Variants in CAMSAP1 observed in about 807,000 individuals in gnomAD.
CAMSAP1 encodes calmodulin regulated spectrin associated protein 1, also known as calmodulin-regulated spectrin-associated protein 1.
A neutral mutation model predicts 143.5 loss-of-function variants in CAMSAP1; 58 were observed. That is an observed-to-expected ratio of 0.40 (90% CI 0.33 to 0.50). The LOEUF is 0.50. Among genes scored for constraint, CAMSAP1 ranks in the 20% least tolerant of loss-of-function variants. The pLI is 0.45. For synonymous variants in CAMSAP1, 945 were observed against 859.3 expected, an observed-to-expected ratio of 1.10 and a Z score of -1.74; for missense variants, 1,969 against 2,115.7, an observed-to-expected ratio of 0.93 and a Z score of 1.36.
At chr9:135,884,876 TG>T (rs1838075326) in intron 1 of CAMSAP1, among the ~76,000 whole-genome samples, 1 of 152,178 alleles carries the variant, frequency 6.6e-6, no homozygotes, top group African/African-American at 2.4e-5. Context: ...AGGCGGCCTG[TG>T]GGCCCATGTT....
At chr9:135,891,256 C>T (rs978205057) in intron 1 of CAMSAP1, among the ~76,000 whole-genome samples, 4 of 152,212 alleles carry the variant, frequency 2.6e-5, no homozygotes, top group African/African-American at 9.7e-5. Context: ...GCATGAGCAG[C>T]AGAAACAGGG....
At position 135,907,375 on chromosome 9, in the gene CAMSAP1, G is replaced by C. The variant is rs1398890859; in HGVS notation, c.-216C>G. 1.8e-5 allele frequency: 3 copies of C among 164,292 alleles called. No individual in the cohort carries two copies. The highest frequency in any genetic ancestry group is 7.3e-5 in the African/African-American group (3 of 41,148). The allele number at this position is 164,292 out of a possible 1,614,324, so 10.2% of individuals were successfully genotyped here. On this transcript the variant is annotated 5_prime_UTR_variant, in exon 1 of 17. Coordinates refer to ENST00000389532, the MANE Select transcript of CAMSAP1 (RefSeq NM_015447.4). ...CGGGCGCTGAGCCCGAGCGGAGGAG[G>C]TGCCGAGCCCGCGGCCCAAAGAGGC...
rs1206612529 is a variant in CAMSAP1, at chr9:135,819,073, T to C, written c.3896A>G (p.Glu1299Gly). ...CTGCTGCTTGCGCACGCGGGCCTCCTCGGCCTTGCGCTGCTGCTTCAGGAG... is the reference window on the plus strand; with the variant it reads ...CTGCTGCTTGCGCACGCGGGCCTCCCCGGCCTTGCGCTGCTGCTTCAGGAG... Reference protein sequence around the residue: ...AFLLKQQRKAEEARVRKQQLE... With the variant: ...AFLLKQQRKAGEARVRKQQLE... The change falls in exon 12 of 17, where the codon GAG becomes GGG. Residue 1299 changes from glutamate to glycine, a missense_variant. Glu to Gly is a moderately conservative substitution (Grantham distance 98, BLOSUM62 -2). Coordinates refer to ENST00000389532, the MANE Select transcript of CAMSAP1 (RefSeq NM_015447.4). 2 of 1,604,660 alleles carry C rather than the reference T, an allele frequency of 1.2e-6. No individual in the cohort carries two copies. The highest frequency in any genetic ancestry group is 1.3e-5 in the African/African-American group (1 of 74,834).
chr9:135,902,664 TG>T (rs1238376002), intron 1 of CAMSAP1, among the ~76,000 whole-genome samples: 1 of 152,240 alleles, frequency 6.6e-6, no homozygotes, highest in East Asian at 1.9e-4. Flanking sequence ...GTCCCTGAGA[TG>T]GGGACTAAAA....
intron 5 of CAMSAP1, among the ~76,000 whole-genome samples, chr9:135,856,810 A>G (rs1322204981): frequency 4.6e-5 from 7 of 152,154 alleles, no homozygotes; most frequent in African/African-American, 9.7e-5. Context: ...TTCACCTGTT[A>G]TTGCCTCTGA....
At chr9:135,890,218 C>T (rs1299641960) in intron 1 of CAMSAP1, among the ~76,000 whole-genome samples, 1 of 152,130 alleles carries the variant, frequency 6.6e-6, no homozygotes, top group Non-Finnish European at 1.5e-5. Context: ...GAATGCTCCA[C>T]ACACATACAG....
chr9:135,899,707 T>A (rs944056235), intron 1 of CAMSAP1, among the ~76,000 whole-genome samples: 3 of 152,130 alleles, frequency 2.0e-5, no homozygotes, highest in Admixed American at 6.5e-5. Context: ...TCCCACACGG[T>A]GTGCACATCA....
Position 135,823,113 on chromosome 9 carries a change from C to A in CAMSAP1, c.1548G>T (p.Gln516His). ...GGCTCTTCGTGGCCGTGGGGTGTGGCTGGTTCTGTGGGGTCAGATTAACAA... is the reference window on the plus strand; with the variant it reads ...GGCTCTTCGTGGCCGTGGGGTGTGGATGGTTCTGTGGGGTCAGATTAACAA... ...SNIVNLTPQN[Q>H]PHPTATKSHG... The change falls in exon 11 of 17, where the codon CAG becomes CAT. Residue 516 changes from glutamine to histidine, a missense_variant. Gln to His is a conservative substitution (Grantham distance 24, BLOSUM62 0). This residue lies in a region of CAMSAP1 where 1,390 missense variants were observed against 1,420.8 expected (regional missense o/e 0.98). Transcript: ENST00000389532. 6.2e-7 allele frequency: 1 copy of A among 1,614,004 alleles called. No individual in the cohort carries two copies. The highest frequency in any genetic ancestry group is 8.5e-7 in the Non-Finnish European group (1 of 1,179,882).
At chr9:135,883,600 A>C (rs1317270362) in intron 1 of CAMSAP1, among the ~76,000 whole-genome samples, 2 of 152,252 alleles carry the variant, frequency 1.3e-5, no homozygotes, top group Non-Finnish European at 2.9e-5. Flanking sequence ...GTGAACACCC[A>C]TGGTCTTTAC....
chr9:135,862,126 C>T (rs1421696289), intron 5 of CAMSAP1, among the ~76,000 whole-genome samples: 1 of 152,134 alleles, frequency 6.6e-6, no homozygotes, highest in Non-Finnish European at 1.5e-5. Context: ...TACTCAGATA[C>T]TTTGAAGTAC....
chr9:135,812,189 A>T (rs538083817), intron 16 of CAMSAP1, among the ~76,000 whole-genome samples: 1 of 152,364 alleles, frequency 6.6e-6, no homozygotes, highest in East Asian at 1.9e-4. Flanking sequence ...AGTAGAAACG[A>T]AAATATCACA....
At position 135,850,114 on chromosome 9, in the gene CAMSAP1, C is replaced by A; in HGVS notation, c.1045+23G>T. 6 of 1,581,384 alleles carry A rather than the reference C, an allele frequency of 3.8e-6. No homozygotes were observed. In the South Asian group the frequency reaches 5.8e-5, roughly 15 times the overall value. On this transcript the variant is annotated intron_variant, in intron 7 of 16. Transcript: ENST00000389532. ...AGGCTCTCAAGGAAACCATTGCCAA[C>A]CTGGGGAATATCTGTCACTCACCGT...
chr9:135,888,721 G>A (rs1288519967), intron 1 of CAMSAP1, among the ~76,000 whole-genome samples: 1 of 152,200 alleles, frequency 6.6e-6, no homozygotes, highest in Non-Finnish European at 1.5e-5. Context: ...TGGATATAAG[G>A]AGTCAACGGA....
Position 135,891,413 on chromosome 9 carries a change from A to G in CAMSAP1, c.161-8335T>C. Among the ~76,000 whole-genome samples, 2 of 152,354 alleles carry G rather than the reference A, an allele frequency of 1.3e-5. 1 individual carries two copies. Among genetic ancestry groups the G allele is most frequent in the East Asian group, 3.9e-4 (2 of 5,176 alleles). ...CCCCAGAGACGTGTATGAGCCTGCA[A>G]GATCTGGGCTTACTCCTGAGCTGTG... On this transcript the variant is annotated intron_variant, in intron 1 of 16. Transcript: ENST00000389532.
At chr9:135,875,265 A>G (rs1466132100) in intron 3 of CAMSAP1, among the ~76,000 whole-genome samples, 4 of 150,554 alleles carry the variant, frequency 2.7e-5, no homozygotes, top group Admixed American at 2.7e-4. Flanking sequence ...GCTGGAGTGC[A>G]GTGGCATGAT....
chr9:135,870,805 A>G (rs1427773730), intron 3 of CAMSAP1, among the ~76,000 whole-genome samples: 1 of 152,218 alleles, frequency 6.6e-6, no homozygotes, highest in Admixed American at 6.5e-5. Flanking sequence ...TCCAAAAAAT[A>G]AAAATAAAAA....
chr9:135,828,350 G>C (rs1319454061), intron 7 of CAMSAP1, among the ~76,000 whole-genome samples: 1 of 152,222 alleles, frequency 6.6e-6, no homozygotes, highest in Non-Finnish European at 1.5e-5. Flanking sequence ...ATGGAGGAGG[G>C]AAGTAAGGAC....
intron 1 of CAMSAP1, among the ~76,000 whole-genome samples, chr9:135,904,728 G>A (rs933191124): frequency 6.6e-6 from 1 of 152,026 alleles, no homozygotes; most frequent in Non-Finnish European, 1.5e-5. Context: ...CAGCACTTTG[G>A]GAGGCCAAGG....
At chr9:135,819,446 C>G (rs914924138) in intron 11 of CAMSAP1, among the ~76,000 whole-genome samples, 1 of 152,090 alleles carries the variant, frequency 6.6e-6, no homozygotes, top group African/African-American at 2.4e-5. Context: ...TTCCTGTAAT[C>G]CCAGCACTTT....
Sources: allele counts gnomAD v4.1 joint callset (sites outside exome capture counted in the v4.1 genomes callset), GRCh38; gene constraint gnomAD v4.1.1; regional missense constraint gnomAD v4.1.1; transcripts MANE v1.5; gene names NCBI Gene and HGNC (gene_info 2026-07-23, HGNC 2026-07-21).